EXTL3: variants seen among roughly 807,000 people sequenced by gnomAD.
EXTL3 encodes exostosin-like 3.
EXTL3 carries 27 observed loss-of-function variants against 69.3 expected under a neutral mutation model. The ratio of observed to expected loss-of-function variants is 0.39; its 90% CI spans 0.29 to 0.54. The LOEUF is 0.54. Among genes scored for constraint, EXTL3 ranks in the 20% least tolerant of loss-of-function variants. EXTL3 has a pLI of 0.69. For missense variants in EXTL3, 1,003 were observed against 1,231.8 expected (o/e 0.81, Z 2.78); for synonymous variants, 511 against 499.4 (o/e 1.02, Z -0.31).
chr8:28,721,237 G>A (rs148227401), intron 3 of EXTL3, among the ~76,000 whole-genome samples: 2,501 of 152,336 alleles, frequency 0.016, 37 homozygotes, highest in Non-Finnish European at 0.023. Context: ...CCACTCTCAT[G>A]TTGAGTTCTT....
intron 2 of EXTL3, among the ~76,000 whole-genome samples, chr8:28,616,149 T>C (rs1806328130): frequency 6.6e-6 from 1 of 152,264 alleles, no homozygotes; most frequent in African/African-American, 2.4e-5. Flanking sequence ...CAAAGGGCAG[T>C]ACAGTAAGCT....
At chr8:28,683,324 T>C (rs1807522804) in intron 1 of EXTL3, among the ~76,000 whole-genome samples, 1 of 151,844 alleles carries the variant, frequency 6.6e-6, no homozygotes, top group South Asian at 2.1e-4. Flanking sequence ...ATGGAATCTG[T>C]AGATCACTTT....
At chr8:28,608,411 G>A (rs1430051947) in intron 2 of EXTL3, among the ~76,000 whole-genome samples, 1 of 152,082 alleles carries the variant, frequency 6.6e-6, no homozygotes, top group Non-Finnish European at 1.5e-5. Context: ...ACTAGTTTTT[G>A]TGGGTTGGAA....
intron 1 of EXTL3, among the ~76,000 whole-genome samples, chr8:28,625,126 G>C (rs185365218): frequency 6.6e-6 from 1 of 152,304 alleles, no homozygotes; most frequent in Admixed American, 6.5e-5. Flanking sequence ...AAACAGGTGA[G>C]TGACTCACCA....
chr8:28,736,403 C>T (rs1249102770), intron 4 of EXTL3, among the ~76,000 whole-genome samples: 1 of 152,200 alleles, frequency 6.6e-6, no homozygotes. Flanking sequence ...CTGTCAGGTC[C>T]TGTGGAGCTT....
At chr8:28,690,316 G>T (rs1455209864) in intron 1 of EXTL3, among the ~76,000 whole-genome samples, 1 of 151,946 alleles carries the variant, frequency 6.6e-6, no homozygotes, top group Non-Finnish European at 1.5e-5. Flanking sequence ...AGGTTCAAGT[G>T]ATTCTCATGC....
At position 28,716,557 on chromosome 8, in the gene EXTL3, C is replaced by T. The variant is rs141908755; in HGVS notation, c.498C>T (p.Ala166=). The T allele has an allele frequency of 3.6e-5, 58 of 1,614,040 alleles. No homozygotes were observed. The highest frequency in any genetic ancestry group is 8.9e-5 in the East Asian group (4 of 44,898). Residue 166 remains alanine, a synonymous_variant, in exon 3 of 7, where the codon GCC becomes GCT. Transcript: ENST00000220562. This position sits in a 1 kb window ranked among gnomAD's most constrained non-coding sequence, Gnocchi z 7.1. ...GACTGCTCCCAGAGAAGGACGATGC[C>T]GGCCTCCCTCCCCCGAAGGCCACTC... ...PIRLLPEKDD[A]GLPPPKATRG...
At chr8:28,693,263 C>G (rs952017757) in intron 1 of EXTL3, among the ~76,000 whole-genome samples, 3 of 151,716 alleles carry the variant, frequency 2.0e-5, no homozygotes, top group Non-Finnish European at 4.4e-5. Context: ...AATTCTCCTG[C>G]CTCAGGCTCC....
At chr8:28,674,862 G>C (rs1474553571) in intron 1 of EXTL3, among the ~76,000 whole-genome samples, 1 of 152,132 alleles carries the variant, frequency 6.6e-6, no homozygotes, top group East Asian at 1.9e-4. Context: ...TTCCACCTCT[G>C]AGAGGATGAA....
At position 28,750,849 on chromosome 8, in the gene EXTL3, T is replaced by G; in HGVS notation, c.2743T>G (p.Cys915Gly). 1 of 1,614,026 alleles carries G rather than the reference T, an allele frequency of 6.2e-7. No homozygotes were observed. ...ACGCCTGCCCCATGACAAGACCAAG[T>G]GCTTCAAGTTCATCTAGGGGCAGCG... ...KTRLPHDKTK[C>G]FKFI The change falls in exon 7 of 7, where the codon TGC (cysteine) becomes GGC (glycine). Residue 915 changes from cysteine (C) to glycine (G), a missense_variant. Around this residue, in one of 2 missense-constraint regions of EXTL3, gnomAD observed 261 missense variants for 416.4 expected, o/e 0.63. Transcript: ENST00000220562. The surrounding 1 kb of genome is among the most constrained non-coding windows in gnomAD (Gnocchi z 5.2).
chr8:28,652,352 A>G (rs1034958931), intron 1 of EXTL3, among the ~76,000 whole-genome samples: 3 of 151,754 alleles, frequency 2.0e-5, no homozygotes, highest in African/African-American at 7.3e-5. Context: ...CACATTTGCT[A>G]TTTTCCTTTA....
At chr8:28,686,633 C>T (rs240927) in intron 1 of EXTL3, among the ~76,000 whole-genome samples, 36,412 of 151,852 alleles carry the variant, frequency 0.24, 4,532 homozygotes, top group Middle Eastern at 0.33. Context: ...AAAAAGAAAA[C>T]GTTGAAGGTT....
intron 1 of EXTL3, chr8:28,696,240 T>C (rs1800684481): frequency 6.6e-6 from 1 of 152,084 alleles, no homozygotes; most frequent in Non-Finnish European, 1.5e-5. Context: ...ATGACATACA[T>C]ATAGAAAAGA....
At chr8:28,635,607 A>G (rs1806641214) in intron 1 of EXTL3, among the ~76,000 whole-genome samples, 1 of 149,772 alleles carries the variant, frequency 6.7e-6, no homozygotes. Context: ...GCTACTTAGG[A>G]GGCTGAGGCA....
chr8:28,689,050 T>C (rs183877829), intron 1 of EXTL3, among the ~76,000 whole-genome samples: 39 of 152,336 alleles, frequency 2.6e-4, no homozygotes, highest in African/African-American at 8.9e-4. Context: ...TATGGTTTCT[T>C]TGGCTTTGAG....
intron 1 of EXTL3, among the ~76,000 whole-genome samples, chr8:28,624,099 A>G (rs945711894): frequency 1.3e-5 from 2 of 152,212 alleles, no homozygotes; most frequent in Admixed American, 6.6e-5. Flanking sequence ...GGGAAAGGAG[A>G]TAAGTCTCAG....
At chr8:28,676,766 G>C (rs1399049458) in intron 1 of EXTL3, among the ~76,000 whole-genome samples, 1 of 152,132 alleles carries the variant, frequency 6.6e-6, no homozygotes, top group East Asian at 1.9e-4. Flanking sequence ...GCCCAAAGTG[G>C]TGACCAGAGA....
intron 1 of EXTL3, among the ~76,000 whole-genome samples, chr8:28,664,393 G>C (rs1359742352): frequency 6.6e-6 from 1 of 152,050 alleles, no homozygotes; most frequent in Non-Finnish European, 1.5e-5. Context: ...TTGTTTGTTT[G>C]TTTGTTTGAG....
intron 1 of EXTL3, among the ~76,000 whole-genome samples, chr8:28,635,715 C>CCACACCCACACACACA (rs1806642978): frequency 7.0e-6 from 1 of 142,726 alleles, no homozygotes; most frequent in Admixed American, 7.2e-5. Context: ...CCCCACAACT[C>CCACACCCACACACACA]CACACACACA....
Sources: gnomAD v4.1 joint callset for allele counts (sites outside exome capture counted in the v4.1 genomes callset) on GRCh38, gnomAD v4.1.1 for gene constraint, gnomAD v4.1.1 regional missense constraint, Gnocchi (gnomAD v3.1) non-coding constraint, MANE v1.5 for transcripts, NCBI Gene and HGNC (gene_info 2026-07-23, HGNC 2026-07-21) for gene names.